Variants in GRM7 observed in about 807,000 individuals in gnomAD.
GRM7 encodes the protein metabotropic glutamate receptor 7.
A neutral mutation model predicts 84.5 loss-of-function variants in GRM7; 35 were observed. That is an observed-to-expected ratio of 0.41 (90% CI 0.32 to 0.55). The LOEUF is 0.55. Ranked by LOEUF, GRM7 falls within the 20% of genes least tolerant of loss-of-function variation. The probability of loss-of-function intolerance (pLI) is 0.19; values close to 1 mark genes in which losing one functional copy is unlikely to be tolerated. For synonymous variants in GRM7, 487 were observed against 455.1 expected, an observed-to-expected ratio of 1.07 and a Z score of -0.89; for missense variants, 1,003 against 1,194.6, an observed-to-expected ratio of 0.84 and a Z score of 2.36.
intron 7 of GRM7, among the ~76,000 whole-genome samples, chr3:7,531,515 AG>A (rs1189937842): frequency 1.3e-5 from 2 of 152,098 alleles, no homozygotes; most frequent in African/African-American, 4.8e-5. Context: ...TTCTCCTTGA[AG>A]GGGTCCTTCA....
At chr3:7,169,935 GT>G (rs1346359357) in intron 2 of GRM7, among the ~76,000 whole-genome samples, 2 of 152,120 alleles carry the variant, frequency 1.3e-5, no homozygotes, top group Non-Finnish European at 2.9e-5. Context: ...TAGGACAATG[GT>G]TCTGAAACTT....
chr3:7,683,167 T>C (rs1294435185), intron 9 of GRM7, among the ~76,000 whole-genome samples: 1 of 152,194 alleles, frequency 6.6e-6, no homozygotes, highest in Admixed American at 6.5e-5. Context: ...TGGTGGGAGA[T>C]TCTTTAAACA....
At chr3:7,214,514 A>G (rs1439694327) in intron 2 of GRM7, among the ~76,000 whole-genome samples, 2 of 152,196 alleles carry the variant, frequency 1.3e-5, no homozygotes. Context: ...TTTTCTTTAT[A>G]TCTCTAATGC....
At chr3:6,907,300 G>C (rs1003160298) in intron 1 of GRM7, among the ~76,000 whole-genome samples, 1 of 152,150 alleles carries the variant, frequency 6.6e-6, no homozygotes, top group Non-Finnish European at 1.5e-5. Context: ...ACCTTCACAG[G>C]TGAACCTACT....
intron 2 of GRM7, among the ~76,000 whole-genome samples, chr3:7,199,437 C>T (rs181906850): frequency 6.6e-6 from 1 of 152,306 alleles, no homozygotes; most frequent in African/African-American, 2.4e-5. Flanking sequence ...CCCTGACCCA[C>T]AAAAAAATTC....
chr3:7,662,499 G>A (rs1699511599), intron 8 of GRM7, among the ~76,000 whole-genome samples: 1 of 152,162 alleles, frequency 6.6e-6, no homozygotes, highest in Admixed American at 6.5e-5. Context: ...TTTGGATTGA[G>A]GAAAAATCAT....
intron 1 of GRM7, among the ~76,000 whole-genome samples, chr3:7,068,757 A>C (rs546971750): frequency 6.6e-6 from 1 of 151,976 alleles, no homozygotes. Context: ...CATATATTTC[A>C]TTCCATAAGG....
At chr3:7,516,909 T>C (rs189955076) in intron 7 of GRM7, among the ~76,000 whole-genome samples, 5 of 152,352 alleles carry the variant, frequency 3.3e-5, no homozygotes, top group African/African-American at 7.2e-5. Context: ...TAACTGGTGG[T>C]ATTTTTATAA....
At chr3:7,049,994 G>T (rs1696935100) in intron 1 of GRM7, among the ~76,000 whole-genome samples, 1 of 151,846 alleles carries the variant, frequency 6.6e-6, no homozygotes, top group African/African-American at 2.4e-5. Context: ...GACAGTCATT[G>T]TAAAGTTCTA....
intron 1 of GRM7, among the ~76,000 whole-genome samples, chr3:6,872,753 G>C (rs745696364): frequency 6.6e-6 from 1 of 152,016 alleles, no homozygotes; most frequent in African/African-American, 2.4e-5. Context: ...TGAGAATGAT[G>C]GTTTCCAGCT....
chr3:7,642,474 C>T (rs1698410770), intron 8 of GRM7, among the ~76,000 whole-genome samples: 1 of 152,096 alleles, frequency 6.6e-6, no homozygotes, highest in Admixed American at 6.5e-5. Context: ...GAGTGGGTTC[C>T]TGCTTTCATC....
chr3:7,423,760 A>G (rs998365947), intron 5 of GRM7, among the ~76,000 whole-genome samples: 24 of 152,222 alleles, frequency 1.6e-4, no homozygotes, highest in African/African-American at 5.8e-4. Context: ...ATAAATATCA[A>G]CTATATATAT....
chr3:7,106,338 C>CT (rs374457974), intron 1 of GRM7, among the ~76,000 whole-genome samples: 20 of 150,272 alleles, frequency 1.3e-4, no homozygotes, highest in South Asian at 6.3e-4. Context: ...AGTATGCAGC[C>CT]TTTTTTTTTC....
intron 8 of GRM7, among the ~76,000 whole-genome samples, chr3:7,627,931 A>G (rs73810804): frequency 0.094 from 14,278 of 152,178 alleles, 893 homozygotes; most frequent in African/African-American, 0.17. Context: ...ACCAAATACA[A>G]TGGCATTCTG....
At chr3:7,128,337 T>C (rs944904722) in intron 1 of GRM7, among the ~76,000 whole-genome samples, 1 of 151,804 alleles carries the variant, frequency 6.6e-6, no homozygotes, top group Non-Finnish European at 1.5e-5. Flanking sequence ...TGACTCAAGT[T>C]TGACTGCTGA....
chr3:7,316,951 A>G (rs1700604231), intron 4 of GRM7, among the ~76,000 whole-genome samples: 1 of 152,164 alleles, frequency 6.6e-6, no homozygotes, highest in Admixed American at 6.6e-5. Context: ...CATCACGAGG[A>G]TAAGAAAAGA....
chr3:7,063,734 C>A (rs541200455), intron 1 of GRM7, among the ~76,000 whole-genome samples: 1 of 151,450 alleles, frequency 6.6e-6, no homozygotes, highest in South Asian at 2.1e-4. Flanking sequence ...GACCCAAGGT[C>A]ACCCCCTATT....
chr3:7,026,578 C>T (rs1019301445), intron 1 of GRM7, among the ~76,000 whole-genome samples: 22 of 152,102 alleles, frequency 1.4e-4, no homozygotes, highest in African/African-American at 4.6e-4. Flanking sequence ...ATGGCACCAA[C>T]GTAAAAGAAA....
At chr3:7,021,051 T>C (rs529738996) in intron 1 of GRM7, among the ~76,000 whole-genome samples, 1 of 152,318 alleles carries the variant, frequency 6.6e-6, no homozygotes, top group African/African-American at 2.4e-5. Context: ...CCCTGCCAGA[T>C]TATGTTTTCT....
Sources: allele counts gnomAD v4.1 joint callset (sites outside exome capture counted in the v4.1 genomes callset), GRCh38; gene constraint gnomAD v4.1.1; transcripts MANE v1.5; gene names NCBI Gene and HGNC (gene_info 2026-07-23, HGNC 2026-07-21).